Variants in CHAD observed in about 807,000 individuals in gnomAD.
CHAD encodes the protein chondroadherin, also known as cartilage leucine-rich protein.
In CHAD, 18 loss-of-function variants were observed where a neutral mutation model predicts 24.0. That is an observed-to-expected ratio of 0.75 (90% CI 0.52 to 1.11). The LOEUF (loss-of-function observed/expected upper bound fraction) is 1.11, where lower values mean the gene tolerates loss of function less well. Ranked by LOEUF, CHAD falls within the 50% of genes most tolerant of loss-of-function variation. CHAD has a pLI of 0.00. For missense variants in CHAD, 440 were observed against 467.2 expected, an observed-to-expected ratio of 0.94 and a Z score of 0.54; for synonymous variants, 195 against 211.6, an observed-to-expected ratio of 0.92 and a Z score of 0.68.
chr17:50,466,098 T>TG (rs1487101237), intron 1 of CHAD, among the ~76,000 whole-genome samples: 1 of 148,080 alleles, frequency 6.8e-6, no homozygotes, highest in Non-Finnish European at 1.5e-5. Flanking sequence ...TTCCTTTTTT[T>TG]TTTTTTGAGA....
At position 50,464,767 on chromosome 17, in the gene CHAD, C is replaced by CT. The variant is rs547285186; in HGVS notation, c.*286dup. 1.7e-3 allele frequency: 230 copies of CT among 136,016 alleles called. 19 individuals carry two copies. The highest frequency in any genetic ancestry group is 0.012 in the South Asian group (225 of 19,394). The allele number at this position is 136,016 out of a possible 1,614,324, so 8.4% of individuals were successfully genotyped here. ...ACCAACCTGTTGTGGTTCTGATTGA[C>CT]TTGGGGGGGGGGTCTCAGCAACAGC... On this transcript the variant is annotated 3_prime_UTR_variant, in exon 4 of 4. Transcript: ENST00000508540.
chr17:50,468,295 C>T lies in CHAD; in HGVS notation c.519G>A (p.Leu173=). The change falls in exon 1 of 4, where the codon CTG becomes CTA. Residue 173 remains leucine (L), a synonymous_variant. Transcript: ENST00000508540. ...CGTTTTCCGACAGGTAGAGCCAGCG[C>T]AGGTCCTTGGCTCCCTGGAAGGCGC... is the stretch of plus-strand genomic sequence containing the variant. ...RAGAFQGAKD[L]RWLYLSENAL... is the part of the protein sequence containing the mutation. The T allele has an allele frequency of 6.2e-7, 1 of 1,613,650 alleles. No homozygotes were observed. Among genetic ancestry groups the T allele is most frequent in the African/African-American group, 1.3e-5 (1 of 75,074 alleles).
At position 50,464,564 on chromosome 17, in the gene CHAD, G is replaced by A. The variant is rs1396632919; in HGVS notation, c.*490C>T. 1.7e-6 allele frequency: 1 copy of A among 605,772 alleles called. No individual in the cohort carries two copies. The highest frequency in any genetic ancestry group is 1.5e-5 in the South Asian group (1 of 65,924). 37.5% of individuals were successfully genotyped at this position (605,772 alleles called of 1,614,324 possible). A position where few individuals can be genotyped will look rare whatever the true frequency, so the allele number is the denominator to read the frequency against. On this transcript the variant is annotated 3_prime_UTR_variant, in exon 4 of 4. Transcript: ENST00000508540. ...AAATTGCAGCATGGGAAGATGGACAGCAAAGCACCGATGTCCTGCTAGAAC... is the reference window on the plus strand; with the variant it reads ...AAATTGCAGCATGGGAAGATGGACAACAAAGCACCGATGTCCTGCTAGAAC...
At chr17:50,466,748 G>A (rs1315882488) in intron 1 of CHAD, among the ~76,000 whole-genome samples, 1 of 152,196 alleles carries the variant, frequency 6.6e-6, no homozygotes, top group African/African-American at 2.4e-5. Flanking sequence ...GACGGCTCCA[G>A]AGGAAATGTT....
chr17:50,468,849 G>A lies in CHAD; in HGVS notation c.-36C>T. ...CCTGGGGCCGGGGCTGGGGGCAGCA[G>A]CGGCGGCGGGGCGCGGGCAGCGGCG... On this transcript the variant is annotated 5_prime_UTR_variant, in exon 1 of 4. Coordinates refer to ENST00000508540, the MANE Select transcript of CHAD (RefSeq NM_001267.3). 6.9e-7 allele frequency: 1 copy of A among 1,454,094 alleles called. No homozygotes were observed. The allele number at this position is 1,454,094 out of a possible 1,614,324, so 90.1% of individuals were successfully genotyped here.
At chr17:50,467,997 A>T in intron 1 of CHAD, 43 bp downstream of exon 1, 1 of 1,519,034 alleles carries the variant, frequency 6.6e-7, no homozygotes, top group South Asian at 1.3e-5. Context: ...GCCTCCAGGA[A>T]GGGAAGAAGG....
rs2032882965 is a variant in CHAD, at chr17:50,468,356, T to C, written c.458A>G (p.Gln153Arg). 1 of 1,614,088 alleles carries C rather than the reference T, an allele frequency of 6.2e-7. No homozygotes were observed. The highest frequency in any genetic ancestry group is 1.1e-5 in the South Asian group (1 of 91,094). The stretch of plus-strand genomic sequence containing the variant: ...CTCACGGATCTTGTTGTTGTTGAGC[T>C]GCAAGATGAAGAGGTTGACCAGCGG... ...LSPLVNLFIL[Q>R]LNNNKIRELR... is the part of the protein sequence containing the mutation. The change falls in exon 1 of 4, where the codon CAG (glutamine) becomes CGG (arginine). Residue 153 changes from glutamine (Q) to arginine (R), a missense_variant. Gln to Arg is a conservative substitution (Grantham distance 43, BLOSUM62 1). Coordinates refer to ENST00000508540, the MANE Select transcript of CHAD (RefSeq NM_001267.3).
chr17:50,464,776 G>GGGC lies in CHAD; in HGVS notation c.*277_*278insGCC, dbSNP rs796126022. 23 of 332,260 alleles carry GGGC rather than the reference G, an allele frequency of 6.9e-5. 2 individuals are homozygous for GGGC. The highest frequency in any genetic ancestry group is 9.4e-5 in the Non-Finnish European group (16 of 169,322). 20.6% of individuals were successfully genotyped at this position (332,260 alleles called of 1,614,324 possible). ...TTGTGGTTCTGATTGACTTGGGGGGGGGGTCTCAGCAACAGCTTCTCCAAG... is the reference window on the plus strand; with the variant it reads ...TTGTGGTTCTGATTGACTTGGGGGGGGGCGGGTCTCAGCAACAGCTTCTCCAAG... On this transcript the variant is annotated 3_prime_UTR_variant, in exon 4 of 4. Transcript: ENST00000508540.
chr17:50,467,954 G>T, intron 1 of CHAD, 86 bp downstream of exon 1: 6 of 1,402,548 alleles, frequency 4.3e-6, no homozygotes, highest in Non-Finnish European at 5.8e-6. Flanking sequence ...CTGGGGACGG[G>T]GGATGGTGCC....
At chr17:50,466,432 C>T (rs952128956) in intron 1 of CHAD, among the ~76,000 whole-genome samples, 5 of 152,192 alleles carry the variant, frequency 3.3e-5, no homozygotes, top group Admixed American at 6.5e-5. Context: ...ACGGAAAAAG[C>T]GCAGTCCTTT....
chr17:50,466,723 C>G (rs780567346), intron 1 of CHAD, among the ~76,000 whole-genome samples: 1 of 152,220 alleles, frequency 6.6e-6, no homozygotes, highest in African/African-American at 2.4e-5. Flanking sequence ...CTTGGTGGAG[C>G]CTTTGGCCAG....
At chr17:50,467,933 G>A in intron 1 of CHAD, 107 bp downstream of exon 1, 2 of 1,201,758 alleles carry the variant, frequency 1.7e-6, no homozygotes, top group Non-Finnish European at 2.3e-6. Flanking sequence ...ATAGCCAGAG[G>A]GACAGGGAAC....
rs981066361 is a variant in CHAD at position 50,465,062 on chromosome 17, A to G, written c.*5-13T>C. The G allele has an allele frequency of 3.6e-6, 2 of 557,638 alleles. No homozygotes were observed. Among genetic ancestry groups the G allele is most frequent in the Non-Finnish European group, 6.4e-6 (2 of 313,730 alleles). The allele number at this position is 557,638 out of a possible 1,614,324, so 34.5% of individuals were successfully genotyped here. ...GCTGGGTCAGAACCTGCAAAGAGGCAAAGATCGATGTCAGTACTCCAACAA... is the reference window on the plus strand; with the variant it reads ...GCTGGGTCAGAACCTGCAAAGAGGCGAAGATCGATGTCAGTACTCCAACAA... On this transcript the variant is annotated splice_polypyrimidine_tract_variant and intron_variant, in intron 3 of 3. Coordinates refer to ENST00000508540, the MANE Select transcript of CHAD (RefSeq NM_001267.3).
At position 50,464,988 on chromosome 17, in the gene CHAD, A is replaced by T; in HGVS notation, c.*66T>A. On this transcript the variant is annotated 3_prime_UTR_variant, in exon 4 of 4. Transcript: ENST00000508540. ...GGGAGAAGGTATGGGTGGAGGTGAG[A>T]AGGTCAGTAGTCTCTCCGGTGGAAG... 1 of 402,066 alleles carries T rather than the reference A, an allele frequency of 2.5e-6. No individual in the cohort carries two copies. The highest frequency in any genetic ancestry group is 4.6e-6 in the Non-Finnish European group (1 of 215,468). 24.9% of individuals were successfully genotyped at this position (402,066 alleles called of 1,614,324 possible). A position where few individuals can be genotyped will look rare whatever the true frequency, so the allele number is the denominator to read the frequency against.
Position 50,468,765 on chromosome 17 carries a change from G to C in CHAD, c.49C>G (p.Leu17Val), listed in dbSNP as rs552056920. The stretch of plus-strand genomic sequence containing the variant: ...TGGGGGCAGGCGGCCAGCGCCGGCA[G>C]CAGACCAGCCAGGAGGCCGAGGCTG... ...LLSLGLLAGL[L>V]PALAACPQNC... is the part of the protein sequence containing the mutation. Residue 17 changes from leucine to valine, a missense_variant, in exon 1 of 4, where the codon CTG becomes GTG. Coordinates refer to ENST00000508540, the MANE Select transcript of CHAD (RefSeq NM_001267.3). 117 of 1,589,988 alleles carry C rather than the reference G, an allele frequency of 7.4e-5. No homozygotes were observed. The African/African-American group carries it at 1.4e-3, about 19-fold the overall frequency.
Position 50,464,956 on chromosome 17 carries a change from G to A in CHAD, c.*98C>T. 2.8e-6 allele frequency: 1 copy of A among 363,096 alleles called. No homozygotes were observed. The highest frequency in any genetic ancestry group is 4.1e-5 in the Admixed American group (1 of 24,570). 22.5% of individuals were successfully genotyped at this position (363,096 alleles called of 1,614,324 possible). On this transcript the variant is annotated 3_prime_UTR_variant, in exon 4 of 4. Transcript: ENST00000508540. The stretch of plus-strand genomic sequence containing the variant: ...GTAGGCAGCTCTGTGCATCAGCAGA[G>A]GCTGTGGGGAGAAGGTATGGGTGGA...
At chr17:50,465,520 T>C (rs1424117263) in intron 2 of CHAD, 81 bp from the exon 3 acceptor site, 12 of 1,542,636 alleles carry the variant, frequency 7.8e-6, no homozygotes, top group East Asian at 2.3e-5. Flanking sequence ...GGGGCCAGGA[T>C]TGACTTGGCC....
chr17:50,465,614 T>C, intron 2 of CHAD, 93 bp downstream of exon 2: 2 of 1,523,722 alleles, frequency 1.3e-6, no homozygotes, highest in Non-Finnish European at 1.8e-6. Context: ...AGGTAGCAGA[T>C]CTAGGATGCA....
At chr17:50,465,093 A>T in intron 3 of CHAD, 44 bp from the exon 4 acceptor site, 1 of 613,974 alleles carries the variant, frequency 1.6e-6, no homozygotes, top group Non-Finnish European at 2.8e-6. Flanking sequence ...AACAACACAG[A>T]TGATGCTTGA....
Sources: allele counts gnomAD v4.1 joint callset (sites outside exome capture counted in the v4.1 genomes callset), GRCh38; gene constraint gnomAD v4.1.1; transcripts MANE v1.5; gene names NCBI Gene and HGNC (gene_info 2026-07-23, HGNC 2026-07-21).